Variants in CACNG2 observed in about 807,000 individuals in gnomAD.
CACNG2 encodes the protein voltage-dependent calcium channel gamma-2 subunit.
In CACNG2, 3 loss-of-function variants were observed where a neutral mutation model predicts 25.9. That is an observed-to-expected ratio of 0.12 (90% confidence interval 0.05 to 0.30). CACNG2 has a LOEUF of 0.30. CACNG2 is among the 10% of genes least tolerant of loss of function. The pLI, the probability that CACNG2 is intolerant of heterozygous loss-of-function variation, is 1.00. For missense variants in CACNG2, 341 were observed against 432.5 expected, an observed-to-expected ratio of 0.79 and a Z score of 1.88; for synonymous variants, 167 against 173.3, an observed-to-expected ratio of 0.96 and a Z score of 0.29.
chr22:36,646,302 A>G (rs1158472171), intron 1 of CACNG2, among the ~76,000 whole-genome samples: 1 of 152,144 alleles, frequency 6.6e-6, no homozygotes, highest in East Asian at 1.9e-4. Flanking sequence ...AGATAGTGAC[A>G]TTACGCCTGG....
chr22:36,640,978 C>T lies in CACNG2; in HGVS notation c.212-53430G>A, dbSNP rs116341063. 4.2e-3 allele frequency among the ~76,000 whole-genome samples: 643 copies of T among 152,260 alleles called. 8 individuals are homozygous for T. The highest frequency in any genetic ancestry group is 0.015 in the African/African-American group (609 of 41,540). Reference sequence around the variant, plus strand: ...GCACACCAAGGACTCGCAGGACCTACGCATTTGCTGTTCCCTCGACCTGGA... The same window carrying T: ...GCACACCAAGGACTCGCAGGACCTATGCATTTGCTGTTCCCTCGACCTGGA... On this transcript the variant is annotated intron_variant, in intron 1 of 3. Coordinates refer to ENST00000300105, the MANE Select transcript of CACNG2 (RefSeq NM_006078.5).
intron 1 of CACNG2, among the ~76,000 whole-genome samples, chr22:36,600,082 G>A (rs577340741): frequency 8.0e-4 from 122 of 152,244 alleles, no homozygotes; most frequent in African/African-American, 2.9e-3. Context: ...AGCTCCAGCC[G>A]CCATCTTGGT....
intron 1 of CACNG2, among the ~76,000 whole-genome samples, chr22:36,643,015 C>T (rs558747835): frequency 7.4e-4 from 110 of 149,280 alleles, no homozygotes; most frequent in Non-Finnish European, 1.2e-3. Context: ...CTCCCTCCCT[C>T]CCTTCTTCCC....
intron 1 of CACNG2, among the ~76,000 whole-genome samples, chr22:36,619,413 G>C (rs1164788538): frequency 2.0e-5 from 3 of 152,228 alleles, no homozygotes; most frequent in African/African-American, 7.2e-5. Flanking sequence ...CAGAGTTGCA[G>C]TACTAATAAA....
chr22:36,567,058 G>A (rs931708142), intron 2 of CACNG2, among the ~76,000 whole-genome samples: 2 of 152,206 alleles, frequency 1.3e-5, no homozygotes, highest in African/African-American at 4.8e-5. Context: ...GTGGAACCAC[G>A]TGGGTTGGAT....
intron 1 of CACNG2, 120 bp from the exon 2 acceptor site, chr22:36,587,668 C>G (rs1448655037): frequency 1.3e-6 from 1 of 782,066 alleles, no homozygotes; most frequent in Non-Finnish European, 2.3e-6. Context: ...TCCCTCACCC[C>G]TGAAGGAAGG....
At chr22:36,586,876 C>T (rs1200623844) in intron 2 of CACNG2, among the ~76,000 whole-genome samples, 1 of 151,982 alleles carries the variant, frequency 6.6e-6, no homozygotes, top group African/African-American at 2.4e-5. Context: ...TAATATGTCT[C>T]AGGTGGATTT....
intron 3 of CACNG2, 25 bp downstream of exon 3, chr22:36,566,328 G>A (rs770389366): frequency 4.3e-6 from 7 of 1,612,510 alleles, no homozygotes; most frequent in Non-Finnish European, 1.7e-6. Context: ...CTTCCCAGTG[G>A]CAGGACTGGA....
chr22:36,592,097 G>A (rs190751072), intron 1 of CACNG2, among the ~76,000 whole-genome samples: 101 of 152,062 alleles, frequency 6.6e-4, no homozygotes, highest in African/African-American at 2.4e-3. Flanking sequence ...GGAGAGTTGC[G>A]TCTAACCAGG....
At chr22:36,589,002 T>TTC (rs397935081) in intron 1 of CACNG2, among the ~76,000 whole-genome samples, 1 of 141,048 alleles carries the variant, frequency 7.1e-6, no homozygotes, top group East Asian at 2.0e-4. Context: ...TTTTTTTTTT[T>TTC]CCCCCTGAAA....
intron 1 of CACNG2, among the ~76,000 whole-genome samples, chr22:36,595,687 G>C (rs1935668727): frequency 6.6e-6 from 1 of 152,198 alleles, no homozygotes; most frequent in African/African-American, 2.4e-5. Context: ...CATTGGCTTT[G>C]AGCTTCCAGA....
chr22:36,615,737 C>T (rs1009163738), intron 1 of CACNG2, among the ~76,000 whole-genome samples: 5 of 151,502 alleles, frequency 3.3e-5, no homozygotes, highest in African/African-American at 9.7e-5. Flanking sequence ...AGACCCATGA[C>T]TGGCATGTAG....
At chr22:36,702,319 G>C in intron 1 of CACNG2, 47 bp downstream of exon 1, 3 of 1,299,870 alleles carry the variant, frequency 2.3e-6, no homozygotes, top group South Asian at 1.2e-5. Context: ...GGGAGTGAAA[G>C]GGGAGGGGTG....
intron 1 of CACNG2, among the ~76,000 whole-genome samples, chr22:36,604,632 C>A (rs1009400673): frequency 2.0e-5 from 3 of 152,152 alleles, no homozygotes; most frequent in African/African-American, 7.2e-5. Flanking sequence ...GAGGCAAGAC[C>A]CTCCATCAGC....
At chr22:36,689,378 A>G (rs540777705) in intron 1 of CACNG2, among the ~76,000 whole-genome samples, 1 of 152,340 alleles carries the variant, frequency 6.6e-6, no homozygotes, top group South Asian at 2.1e-4. Context: ...AAACAAATTC[A>G]GAGAACGTAA....
Position 36,566,399 on chromosome 22 carries a change from A to G in CACNG2, c.390T>C (p.Thr130=), listed in dbSNP as rs1328980984. 1 of 1,614,152 alleles carries G rather than the reference A, an allele frequency of 6.2e-7. No individual in the cohort carries two copies. The highest frequency in any genetic ancestry group is 8.5e-7 in the Non-Finnish European group (1 of 1,180,046). Reference sequence around the variant, plus strand: ...CGGCACTCAGGATGATGTTGTGTCGAGTTTTGTAGAACTCGCTGGCTGCGA... The same window carrying G: ...CGGCACTCAGGATGATGTTGTGTCGGGTTTTGTAGAACTCGCTGGCTGCGA... ...LCIAASEFYK[T]RHNIILSAGI... Residue 130 remains threonine, a synonymous_variant, in exon 3 of 4, where the codon ACT becomes ACC. Transcript: ENST00000300105.
At chr22:36,650,580 T>C (rs143806358) in intron 1 of CACNG2, among the ~76,000 whole-genome samples, 65 of 152,310 alleles carry the variant, frequency 4.3e-4, no homozygotes, top group African/African-American at 1.5e-3. Context: ...TCTCACTGTG[T>C]TGCCCAGTCT....
intron 1 of CACNG2, among the ~76,000 whole-genome samples, chr22:36,628,851 G>A (rs568026888): frequency 1.3e-5 from 2 of 152,286 alleles, no homozygotes; most frequent in East Asian, 3.9e-4. Context: ...TCAGGAGAGA[G>A]TGGAGAGGTG....
intron 1 of CACNG2, among the ~76,000 whole-genome samples, chr22:36,697,523 A>G (rs1350777328): frequency 6.6e-6 from 1 of 152,204 alleles, no homozygotes; most frequent in Non-Finnish European, 1.5e-5. Context: ...ACTGCCTGCC[A>G]TGTGACTTTG....
Sources: allele counts gnomAD v4.1 joint callset (sites outside exome capture counted in the v4.1 genomes callset), GRCh38; gene constraint gnomAD v4.1.1; transcripts MANE v1.5; gene names NCBI Gene and HGNC (gene_info 2026-07-23, HGNC 2026-07-21).